Variants in ZAR1 observed in about 807,000 individuals in gnomAD.
ZAR1 encodes zygote arrest protein 1.
A neutral mutation model predicts 38.3 loss-of-function variants in ZAR1; 37 were observed. That is an observed-to-expected ratio of 0.97 (90% CI 0.74 to 1.27). The LOEUF (loss-of-function observed/expected upper bound fraction) is 1.27, where lower values mean the gene tolerates loss of function less well. Among genes scored for constraint, ZAR1 ranks in the 50% most tolerant of loss-of-function variants. The pLI, the probability that ZAR1 is intolerant of heterozygous loss-of-function variation, is 0.00. For synonymous variants in ZAR1, 336 were observed against 292.0 expected (o/e 1.15, Z -1.53); for missense variants, 651 against 632.4 (o/e 1.03, Z -0.32).
chr4:48,493,547 C>CT (rs1368304708), intron 3 of ZAR1, among the ~76,000 whole-genome samples: 3 of 152,228 alleles, frequency 2.0e-5, no homozygotes, highest in African/African-American at 4.8e-5. Flanking sequence ...ATTAACTGTG[C>CT]TAAGGGGCTT....
Position 48,491,100 on chromosome 4 carries a change from G to T in ZAR1, c.809G>T (p.Gly270Val). Residue 270 changes from glycine to valine, a missense_variant, in exon 1 of 4, where the codon GGC becomes GTC. Around this residue, in one of 2 missense-constraint regions of ZAR1, gnomAD observed 522 missense variants for 459.9 expected, o/e 1.14. Coordinates refer to ENST00000327939, the MANE Select transcript of ZAR1 (RefSeq NM_175619.3). ...PELPPREAQE[G>V]EAAPRSALRS... is the part of the protein sequence containing the mutation. Reference sequence around the variant, plus strand: ...CTGCCGCCGCGAGAGGCCCAGGAGGGCGAGGCGGCTCCGCGGTCGGCGCTA... The same window carrying T: ...CTGCCGCCGCGAGAGGCCCAGGAGGTCGAGGCGGCTCCGCGGTCGGCGCTA... 7.8e-7 allele frequency: 1 copy of T among 1,275,320 alleles called. No homozygotes were observed. The highest frequency in any genetic ancestry group is 9.9e-7 in the Non-Finnish European group (1 of 1,013,034). The allele number at this position is 1,275,320 out of a possible 1,614,324, so 79.0% of individuals were successfully genotyped here.
In ZAR1 at chr4:48,492,999, A is replaced by C. The variant is rs1718488390; in HGVS notation, c.1118A>C (p.Asp373Ala). The change falls in exon 3 of 4, where the codon GAT becomes GCT. Residue 373 changes from aspartate (D) to alanine (A), a missense_variant. Physicochemically the swap from Asp to Ala is moderately radical, Grantham distance 126. This residue lies in a region of ZAR1 where 129 missense variants were observed against 172.5 expected (regional missense o/e 0.75). Coordinates refer to ENST00000327939, the MANE Select transcript of ZAR1 (RefSeq NM_175619.3). Reference sequence around the variant, plus strand: ...TCTTATAACCCTTACCGAGTGGAGGATATCACCTGTCAAGTAAATCAGATG... The same window carrying C: ...TCTTATAACCCTTACCGAGTGGAGGCTATCACCTGTCAAGTAAATCAGATG... The part of the protein sequence containing the change: ...QKSYNPYRVE[D>A]ITCQSCKQTR... The C allele has an allele frequency of 6.2e-7, 1 of 1,614,048 alleles. No individual in the cohort carries two copies. The highest frequency in any genetic ancestry group is 1.1e-5 in the South Asian group (1 of 91,080).
chr4:48,491,330 C>T, intron 1 of ZAR1, 76 bp downstream of exon 1: 2 of 1,120,452 alleles, frequency 1.8e-6, no homozygotes, highest in South Asian at 4.6e-5. Context: ...CCTGTGACTG[C>T]TTCGGGCACT....
At chr4:48,497,107 G>C (rs1300127714), downstream of ZAR1, among the ~76,000 whole-genome samples, 5 of 152,196 alleles carry the variant, frequency 3.3e-5, no homozygotes, top group Non-Finnish European at 7.3e-5. Flanking sequence ...TGAAGAAACT[G>C]CCGGATTGCT....
Position 48,494,082 on chromosome 4 carries a change from C to CT in ZAR1, c.1132-18dup. ...AAGGGTTTATCTTCTGCATGCCCTT[C>CT]TGTATTTTTTTCCCCCAGAGTTGTA... On this transcript the variant is annotated intron_variant, in intron 3 of 3. Transcript: ENST00000327939. 1 of 1,608,596 alleles carries CT rather than the reference C, an allele frequency of 6.2e-7. No individual in the cohort carries two copies. The highest frequency in any genetic ancestry group is 2.2e-5 in the East Asian group (1 of 44,726).
downstream of ZAR1, among the ~76,000 whole-genome samples, chr4:48,495,214 A>C (rs1197427863): frequency 1.3e-5 from 2 of 152,140 alleles, no homozygotes; most frequent in African/African-American, 2.4e-5. Context: ...GATGGGACTG[A>C]GTTTAGAGCC....
rs1485823544 is a variant in ZAR1, at chr4:48,494,204, T to C, written c.1235T>C (p.Leu412Pro). The C allele has an allele frequency of 6.2e-7, 1 of 1,614,262 alleles. No individual in the cohort carries two copies. The highest frequency in any genetic ancestry group is 8.5e-7 in the Non-Finnish European group (1 of 1,180,048). Residue 412 changes from leucine to proline, a missense_variant, in exon 4 of 4, where the codon CTG becomes CCG. By Grantham distance (98) the Leu-to-Pro change is moderately conservative. Coordinates refer to ENST00000327939, the MANE Select transcript of ZAR1 (RefSeq NM_175619.3). ...DLCGRCKGKR[L>P]SCDSTFSFKY... The stretch of plus-strand genomic sequence containing the variant: ...TGCGGTAGATGCAAAGGCAAACGCC[T>C]GTCCTGTGACAGCACTTTCAGCTTC...
At position 48,490,712 on chromosome 4, in the gene ZAR1, G is replaced by C; in HGVS notation, c.421G>C (p.Gly141Arg). Reference protein sequence around the residue: ...ARDPESPAGPGAEGTTGGGSF... With the variant: ...ARDPESPAGPRAEGTTGGGSF... ...CGACCCCGAGTCCCCGGCCGGCCCC[G>C]GGGCCGAGGGCACCACGGGTGGCGG... Residue 141 changes from glycine to arginine, a missense_variant, in exon 1 of 4, where the codon GGG becomes CGG. Around this residue, in one of 2 missense-constraint regions of ZAR1, gnomAD observed 522 missense variants for 459.9 expected, o/e 1.14. Transcript: ENST00000327939. 7.5e-7 allele frequency: 1 copy of C among 1,336,200 alleles called. No homozygotes were observed. The allele number at this position is 1,336,200 out of a possible 1,614,324, so 82.8% of individuals were successfully genotyped here. A position where few individuals can be genotyped will look rare whatever the true frequency, so the allele number is the denominator to read the frequency against.
In ZAR1 at chr4:48,490,270, G is replaced by C. The variant is rs10938533; in HGVS notation, c.-22G>C. Reference sequence around the variant, plus strand: ...GCAAGTCGCCTATTTAGGGTGCGGCGGCGGGCGGGAGCAGTGCGCCCATGG... The same window carrying C: ...GCAAGTCGCCTATTTAGGGTGCGGCCGCGGGCGGGAGCAGTGCGCCCATGG... On this transcript the variant is annotated 5_prime_UTR_variant, in exon 1 of 4. Transcript: ENST00000327939. The C allele has an allele frequency of 6.7e-7, 1 of 1,486,422 alleles. No individual in the cohort carries two copies. Among genetic ancestry groups the C allele is most frequent in the African/African-American group, 1.5e-5 (1 of 68,464 alleles). The allele number at this position is 1,486,422 out of a possible 1,614,324, so 92.1% of individuals were successfully genotyped here. A position where few individuals can be genotyped will look rare whatever the true frequency, so the allele number is the denominator to read the frequency against.
intron 3 of ZAR1, 72 bp downstream of exon 3, chr4:48,493,084 TTCC>T: frequency 6.9e-7 from 1 of 1,454,496 alleles, no homozygotes; most frequent in Non-Finnish European, 9.6e-7. Context: ...TTGAGTATAC[TTCC>T]AAAAAGAGGC....
downstream of ZAR1, among the ~76,000 whole-genome samples, chr4:48,494,566 C>T (rs947626869): frequency 1.1e-4 from 16 of 152,110 alleles, no homozygotes; most frequent in African/African-American, 3.1e-4. Context: ...TGCTTGTAGA[C>T]GAGGTCTACT....
rs201269427 is a variant in ZAR1, at chr4:48,494,158, C to T, written c.1189C>T (p.Arg397Trp). The T allele has an allele frequency of 1.6e-5, 26 of 1,614,152 alleles. No homozygotes were observed. In the Admixed American group the frequency reaches 2.5e-4, roughly 16 times the overall value. ...PVKLRHVDPK[R>W]PHRQDLCGRC... ...AAAACTTCGCCACGTGGACCCTAAA[C>T]GGCCCCACCGTCAAGATTTGTGCGG... Residue 397 changes from arginine (R) to tryptophan (W), a missense_variant, in exon 4 of 4, where the codon CGG becomes TGG. This residue lies in a region of ZAR1 where 129 missense variants were observed against 172.5 expected (regional missense o/e 0.75). Transcript: ENST00000327939.
At chr4:48,497,158 T>C (rs549152102), downstream of ZAR1, among the ~76,000 whole-genome samples, 22 of 152,320 alleles carry the variant, frequency 1.4e-4, no homozygotes, top group African/African-American at 5.1e-4. Context: ...TTAAAAATGA[T>C]AAATTTAGTG....
downstream of ZAR1, among the ~76,000 whole-genome samples, chr4:48,494,751 G>A (rs1251981542): frequency 6.6e-6 from 1 of 152,208 alleles, no homozygotes; most frequent in Admixed American, 6.5e-5. Context: ...TGGAGGCAGA[G>A]CCATTTATTG....
chr4:48,492,708 T>C, intron 1 of ZAR1, 58 bp from the exon 2 acceptor site: 1 of 1,526,192 alleles, frequency 6.6e-7, no homozygotes, highest in South Asian at 1.1e-5. Context: ...TCCCAACGTC[T>C]GAAATGAAGG....
downstream of ZAR1, among the ~76,000 whole-genome samples, chr4:48,495,667 C>G (rs1391083020): frequency 6.6e-6 from 1 of 152,184 alleles, no homozygotes; most frequent in Non-Finnish European, 1.5e-5. Flanking sequence ...GAGGTTCTGA[C>G]CTGTGATCTG....
At chr4:48,494,925 A>G (rs1394499759), downstream of ZAR1, among the ~76,000 whole-genome samples, 1 of 152,172 alleles carries the variant, frequency 6.6e-6, no homozygotes, top group Non-Finnish European at 1.5e-5. Flanking sequence ...CAAATGTGGC[A>G]AAAGTGGGGC....
In ZAR1 at chr4:48,490,943, G is replaced by C; in HGVS notation, c.652G>C (p.Ala218Pro). 7.5e-7 allele frequency: 1 copy of C among 1,341,798 alleles called. No homozygotes were observed. The highest frequency in any genetic ancestry group is 9.5e-7 in the Non-Finnish European group (1 of 1,051,194). 83.1% of individuals were successfully genotyped at this position (1,341,798 alleles called of 1,614,324 possible). A position where few individuals can be genotyped will look rare whatever the true frequency, so the allele number is the denominator to read the frequency against. Residue 218 changes from alanine to proline, a missense_variant, in exon 1 of 4, where the codon GCG becomes CCG. By Grantham distance (27) the Ala-to-Pro change is conservative. Around this residue, in one of 2 missense-constraint regions of ZAR1, gnomAD observed 522 missense variants for 459.9 expected, o/e 1.14. Coordinates refer to ENST00000327939, the MANE Select transcript of ZAR1 (RefSeq NM_175619.3). Reference sequence around the variant, plus strand: ...GGACGGAGAGAGGGGGCCGCCGCCCGCGCGGCTTCAAGGCCCAGAGGAGGG... The same window carrying C: ...GGACGGAGAGAGGGGGCCGCCGCCCCCGCGGCTTCAAGGCCCAGAGGAGGG... ...ASDGERGPPP[A>P]RLQGPEEGEV... is the part of the protein sequence containing the mutation.
intron 3 of ZAR1, among the ~76,000 whole-genome samples, chr4:48,493,418 C>G (rs1448890976): frequency 6.6e-6 from 1 of 152,180 alleles, no homozygotes; most frequent in Non-Finnish European, 1.5e-5. Flanking sequence ...TTTGTCTTGC[C>G]TGAAAGCTCA....
Sources: allele counts gnomAD v4.1 joint callset (sites outside exome capture counted in the v4.1 genomes callset), GRCh38; gene constraint gnomAD v4.1.1; regional missense constraint gnomAD v4.1.1; transcripts MANE v1.5; gene names NCBI Gene and HGNC (gene_info 2026-07-23, HGNC 2026-07-21).